Variants in ALOX5 observed in about 807,000 individuals in gnomAD.
The protein encoded by ALOX5 is arachidonate 5-lipoxygenase.
In ALOX5, 64 loss-of-function variants were observed where a neutral mutation model predicts 87.9. The ratio of observed to expected loss-of-function variants is 0.73; its 90% CI spans 0.60 to 0.90. The LOEUF is 0.90. ALOX5 is among the 40% of genes least tolerant of loss of function. The pLI is 0.00. For missense variants in ALOX5, 822 were observed against 907.5 expected, an observed-to-expected ratio of 0.91 and a Z score of 1.21; for synonymous variants, 388 against 355.1, an observed-to-expected ratio of 1.09 and a Z score of -1.04.
chr10:45,444,075 G>T (rs1317725599), intron 12 of ALOX5, 41 bp from the exon 13 acceptor site: 8 of 1,499,840 alleles, frequency 5.3e-6, no homozygotes, highest in Non-Finnish European at 7.2e-6. Flanking sequence ...GGGCAGCAGG[G>T]CTTCGGGGGT....
chr10:45,444,011 G>T (rs762514965), intron 12 of ALOX5, 105 bp from the exon 13 acceptor site: 169 of 1,444,240 alleles, frequency 1.2e-4, no homozygotes, highest in Non-Finnish European at 1.5e-4. Context: ...TGGACGGACT[G>T]CAGGGCCCGC....
At chr10:45,411,794 G>A (rs1313574645) in intron 3 of ALOX5, among the ~76,000 whole-genome samples, 4 of 152,212 alleles carry the variant, frequency 2.6e-5, no homozygotes, top group Non-Finnish European at 5.9e-5. Context: ...GCAGAATGGT[G>A]GATGTCCAGG....
At chr10:45,427,702 A>G (rs1008691854) in intron 6 of ALOX5, among the ~76,000 whole-genome samples, 3 of 152,144 alleles carry the variant, frequency 2.0e-5, no homozygotes, top group African/African-American at 2.4e-5. Flanking sequence ...AGGAGCGGCC[A>G]TGCCCCCGGC....
intron 2 of ALOX5, among the ~76,000 whole-genome samples, chr10:45,389,557 G>T (rs1416656155): frequency 1.3e-5 from 2 of 152,114 alleles, no homozygotes; most frequent in Admixed American, 6.5e-5. Context: ...TTAAAGAAAA[G>T]AATTTTCAAC....
chr10:45,399,952 A>T (rs1840641494), intron 3 of ALOX5, among the ~76,000 whole-genome samples: 1 of 152,244 alleles, frequency 6.6e-6, no homozygotes, highest in African/African-American at 2.4e-5. Context: ...ATACAATTCT[A>T]ACCACTAAAA....
Position 45,443,764 on chromosome 10 carries a change from C to T in ALOX5, c.1610C>T (p.Ser537Leu), listed in dbSNP as rs1381488242. 6.2e-7 allele frequency: 1 copy of T among 1,612,424 alleles called. No homozygotes were observed. The highest frequency in any genetic ancestry group is 8.5e-7 in the Non-Finnish European group (1 of 1,179,434). The change falls in exon 12 of 14, where the codon TCG becomes TTG. Residue 537 changes from serine (S) to leucine (L), a missense_variant. Coordinates refer to ENST00000374391, the MANE Select transcript of ALOX5 (RefSeq NM_000698.5). ...TCGGTCAAGAGCCGGGAGCAGCTGT[C>T]GGAGTACCTGACCGTGGTGATCTTC... ...PKSVKSREQL[S>L]EYLTVVIFTA... is the part of the protein sequence containing the mutation.
At chr10:45,388,923 C>CAA (rs142222808) in intron 2 of ALOX5, among the ~76,000 whole-genome samples, 3 of 151,946 alleles carry the variant, frequency 2.0e-5, no homozygotes, top group African/African-American at 7.2e-5. Flanking sequence ...GAACCCATCG[C>CAA]AAAAAAAGCT....
rs751759833 is a variant in ALOX5, at chr10:45,379,564, A to G, written c.151-2919A>G. The stretch of plus-strand genomic sequence containing the variant: ...GTGCTCCAGTTACTCGGATTGGCAC[A>G]TGTAGTCACGAAGTGGCCGTGACGC... On this transcript the variant is annotated intron_variant, in intron 1 of 13. Coordinates refer to ENST00000374391, the MANE Select transcript of ALOX5 (RefSeq NM_000698.5). Among the ~76,000 whole-genome samples, 164 of 152,312 alleles carry G rather than the reference A, an allele frequency of 1.1e-3. 1 individual carries two copies. The highest frequency in any genetic ancestry group is 2.0e-3 in the Non-Finnish European group (134 of 68,022).
intron 3 of ALOX5, among the ~76,000 whole-genome samples, chr10:45,402,810 G>A (rs1394815038): frequency 6.6e-6 from 1 of 152,152 alleles, no homozygotes; most frequent in Non-Finnish European, 1.5e-5. Flanking sequence ...TCTTTAAGAA[G>A]GGGAGTGTCA....
At chr10:45,419,837 G>T (rs910178149) in intron 4 of ALOX5, among the ~76,000 whole-genome samples, 1 of 152,230 alleles carries the variant, frequency 6.6e-6, no homozygotes, top group Non-Finnish European at 1.5e-5. Context: ...CTCAGTGGAC[G>T]GGCAGGGTGC....
Position 45,374,289 on chromosome 10 carries a change from T to A in ALOX5, c.10T>A (p.Tyr4Asn). The A allele has an allele frequency of 6.6e-7, 1 of 1,512,280 alleles. No homozygotes were observed. Among genetic ancestry groups the A allele is most frequent in the Admixed American group, 2.2e-5 (1 of 45,654 alleles). The allele number at this position is 1,512,280 out of a possible 1,614,324, so 93.7% of individuals were successfully genotyped here. A position where few individuals can be genotyped will look rare whatever the true frequency, so the allele number is the denominator to read the frequency against. MPS[Y>N]TVTVATGSQW... ...TCCCGCGGCCCGCGCCATGCCCTCC[T>A]ACACGGTCACCGTGGCCACTGGCAG... The change falls in exon 1 of 14, where the codon TAC becomes AAC. Residue 4 changes from tyrosine to asparagine, a missense_variant. Tyr to Asn is a moderately radical substitution (Grantham distance 143). Coordinates refer to ENST00000374391, the MANE Select transcript of ALOX5 (RefSeq NM_000698.5).
At chr10:45,380,209 T>C (rs1839778573) in intron 1 of ALOX5, among the ~76,000 whole-genome samples, 5 of 152,196 alleles carry the variant, frequency 3.3e-5, no homozygotes, top group Admixed American at 3.3e-4. Flanking sequence ...ATGAGGCTGA[T>C]ACTCTCCCTG....
intron 2 of ALOX5, among the ~76,000 whole-genome samples, chr10:45,387,006 A>G (rs542538795): frequency 1.1e-4 from 17 of 152,336 alleles, no homozygotes; most frequent in African/African-American, 3.8e-4. Flanking sequence ...AGTGATGACT[A>G]TAGGCATAAT....
intron 3 of ALOX5, among the ~76,000 whole-genome samples, chr10:45,397,423 A>G (rs1003930194): frequency 1.3e-5 from 2 of 152,200 alleles, no homozygotes; most frequent in African/African-American, 4.8e-5. Flanking sequence ...ATTATACTTA[A>G]TGATGAAAGG....
In ALOX5 at chr10:45,395,840, GTTCT is replaced by G. The variant is rs904206072; in HGVS notation, c.350-8_350-5del. 6.8e-6 allele frequency: 11 copies of G among 1,613,160 alleles called. No homozygotes were observed. Among genetic ancestry groups the G allele is most frequent in the African/African-American group, 1.3e-5 (1 of 74,894 alleles). ...TTCTTCCTCAGGCTCCTCTCATGTT[GTTCT>G]TTCTTTACAGCAAAGTTGGCCCGAG... On this transcript the variant is annotated splice_polypyrimidine_tract_variant and intron_variant, in intron 2 of 13. Coordinates refer to ENST00000374391, the MANE Select transcript of ALOX5 (RefSeq NM_000698.5).
At chr10:45,389,488 T>G (rs1028706116) in intron 2 of ALOX5, among the ~76,000 whole-genome samples, 1 of 152,106 alleles carries the variant, frequency 6.6e-6, no homozygotes, top group Admixed American at 6.5e-5. Context: ...GACTAACAGC[T>G]GATCTCTCGG....
intron 2 of ALOX5, among the ~76,000 whole-genome samples, chr10:45,392,706 A>T (rs963911056): frequency 1.3e-4 from 19 of 150,954 alleles, no homozygotes; most frequent in South Asian, 2.1e-4. Flanking sequence ...ATGATCAATT[A>T]AAAAAAAAGA....
chr10:45,426,537 T>G (rs1841710876), intron 6 of ALOX5, among the ~76,000 whole-genome samples: 1 of 152,246 alleles, frequency 6.6e-6, no homozygotes, highest in South Asian at 2.1e-4. Context: ...TTTTAAAATG[T>G]GCAGTTATTT....
intron 7 of ALOX5, among the ~76,000 whole-genome samples, chr10:45,435,219 C>T (rs60609104): frequency 6.6e-6 from 1 of 150,896 alleles, no homozygotes; most frequent in East Asian, 1.9e-4. Context: ...AGGCAGAGCA[C>T]TGGGCCCATC....
Sources: gnomAD v4.1 joint callset for allele counts (sites outside exome capture counted in the v4.1 genomes callset) on GRCh38, gnomAD v4.1.1 for gene constraint, MANE v1.5 for transcripts, NCBI Gene and HGNC (gene_info 2026-07-23, HGNC 2026-07-21) for gene names.